WWP2: variants seen among roughly 807,000 people sequenced by gnomAD.
The protein encoded by WWP2 is NEDD4-like E3 ubiquitin-protein ligase WWP2.
In WWP2, 57 loss-of-function variants were observed where a neutral mutation model predicts 121.0. The ratio of observed to expected loss-of-function variants is 0.47; its 90% confidence interval spans 0.38 to 0.59. The LOEUF is 0.59. Ranked by LOEUF, WWP2 falls within the 20% of genes least tolerant of loss-of-function variation. The pLI, the probability that WWP2 is intolerant of heterozygous loss-of-function variation, is 0.00. For synonymous variants in WWP2, 449 were observed against 441.3 expected, an observed-to-expected ratio of 1.02 and a Z score of -0.22; for missense variants, 962 against 1,158.9, an observed-to-expected ratio of 0.83 and a Z score of 2.47.
chr16:69,862,784 A>C lies in WWP2; in HGVS notation c.576-9020A>C, dbSNP rs535946511. On this transcript the variant is annotated intron_variant, in intron 6 of 23. Transcript: ENST00000359154. The stretch of plus-strand genomic sequence containing the variant: ...GCCCAGGATAGAGTGTAGTGGTGTG[A>C]GTGTGATCACAGCTCACTGCGGCCT... 8.9e-4 allele frequency among the ~76,000 whole-genome samples: 109 copies of C among 123,060 alleles called. 1 individual carries two copies. Among genetic ancestry groups the C allele is most frequent in the African/African-American group, 3.2e-3 (100 of 31,500 alleles). 80.7% of individuals were successfully genotyped at this position (123,060 alleles called of 152,430 possible).
chr16:69,877,159 T>C (rs762226818), intron 7 of WWP2, among the ~76,000 whole-genome samples: 10 of 152,314 alleles, frequency 6.6e-5, no homozygotes, highest in Admixed American at 2.0e-4. Flanking sequence ...TTCGTCAACA[T>C]TGAAAAGCTG....
rs142497958 is a variant in WWP2 at position 69,795,890 on chromosome 16, T to A, written c.71-2792T>A. On this transcript the variant is annotated intron_variant, in intron 2 of 23. Transcript: ENST00000359154. ...CTCAAACTCCTGGCCTCAAGTGATC[T>A]GCCTGCCTCGGCCTCCCAAAGAGCT... 4.5e-3 allele frequency among the ~76,000 whole-genome samples: 677 copies of A among 151,952 alleles called. 1 individual carries two copies. Among genetic ancestry groups the A allele is most frequent in the South Asian group, 0.011 (55 of 4,800 alleles).
At chr16:69,873,664 A>C (rs554751039) in intron 7 of WWP2, among the ~76,000 whole-genome samples, 1 of 152,338 alleles carries the variant, frequency 6.6e-6, no homozygotes, top group African/African-American at 2.4e-5. Flanking sequence ...TTTTTCTCTT[A>C]GAAAACTCAG....
Position 69,908,810 on chromosome 16 carries a change from A to G in WWP2, c.964A>G (p.Asn322Asp), listed in dbSNP as rs761993448. 8 of 1,614,118 alleles carry G rather than the reference A, an allele frequency of 5.0e-6. No homozygotes were observed. Among genetic ancestry groups the G allele is most frequent in the Non-Finnish European group, 6.8e-6 (8 of 1,180,046 alleles). The change falls in exon 9 of 24, where the codon AAT (asparagine) becomes GAT (aspartate). Residue 322 changes from asparagine to aspartate, a missense_variant. Asn to Asp is a conservative substitution (Grantham distance 23, BLOSUM62 1). This residue lies in a region of WWP2 where 606 missense variants were observed against 772.6 expected (regional missense o/e 0.78). Coordinates refer to ENST00000359154, the MANE Select transcript of WWP2 (RefSeq NM_001270454.2). ...PNGRVYYVDH[N>D]TKTTTWERPL... ...CGGACGTGTCTATTATGTTGACCAC[A>G]ATACCAAGACCACCACCTGGGAGCG...
chr16:69,793,722 C>T (rs781679346), intron 2 of WWP2, among the ~76,000 whole-genome samples: 1 of 151,994 alleles, frequency 6.6e-6, no homozygotes, highest in Non-Finnish European at 1.5e-5. Flanking sequence ...GCGATGTTAT[C>T]TATGGGAGCA....
At chr16:69,846,876 G>A (rs1051064995) in intron 6 of WWP2, among the ~76,000 whole-genome samples, 2 of 152,064 alleles carry the variant, frequency 1.3e-5, no homozygotes, top group African/African-American at 2.4e-5. Flanking sequence ...TGGCTCCCAA[G>A]TGTTCATTAT....
At chr16:69,929,354 T>G (rs1016369068) in intron 11 of WWP2, 94 bp from the exon 12 acceptor site, 1 of 1,182,760 alleles carries the variant, frequency 8.5e-7, no homozygotes, top group Non-Finnish European at 1.2e-6. Flanking sequence ...GGAGATAAAC[T>G]CAGACCCAGC....
intron 1 of WWP2, among the ~76,000 whole-genome samples, chr16:69,778,759 A>G: frequency 6.6e-6 from 1 of 151,038 alleles, no homozygotes. Flanking sequence ...CTCCTGCCTC[A>G]GCCTCCCGAG....
At chr16:69,815,938 T>G (rs1362083294) in intron 4 of WWP2, among the ~76,000 whole-genome samples, 1 of 152,168 alleles carries the variant, frequency 6.6e-6, no homozygotes, top group South Asian at 2.1e-4. Context: ...TTAAATTTCT[T>G]GTAGAGTCAG....
intron 16 of WWP2, among the ~76,000 whole-genome samples, chr16:69,933,367 G>A (rs2058747053): frequency 6.6e-6 from 1 of 152,180 alleles, no homozygotes; most frequent in South Asian, 2.1e-4. Context: ...GAACGGGGAT[G>A]GTGTTGGGGT....
intron 4 of WWP2, among the ~76,000 whole-genome samples, chr16:69,828,386 G>T (rs1442214813): frequency 6.6e-6 from 1 of 151,840 alleles, no homozygotes; most frequent in Non-Finnish European, 1.5e-5. Flanking sequence ...TTTTCTTTGA[G>T]ACATAGTTTC....
intron 7 of WWP2, among the ~76,000 whole-genome samples, chr16:69,876,111 C>T (rs1441465855): frequency 2.0e-5 from 3 of 152,028 alleles, no homozygotes; most frequent in Non-Finnish European, 4.4e-5. Context: ...GCATGCACCA[C>T]CACACCCAGC....
intron 6 of WWP2, among the ~76,000 whole-genome samples, chr16:69,849,378 G>C (rs1047796050): frequency 6.6e-6 from 1 of 152,186 alleles, no homozygotes; most frequent in Non-Finnish European, 1.5e-5. Context: ...TGCCCTGTCA[G>C]CAGGAAAGTC....
intron 10 of WWP2, chr16:69,924,888 A>G: frequency 1.0e-6 from 1 of 981,044 alleles, no homozygotes; most frequent in Non-Finnish European, 1.2e-6. Flanking sequence ...GTTGGGGGGG[A>G]CGCCGAGGTG....
At chr16:69,897,145 C>T (rs1337452587) in intron 8 of WWP2, among the ~76,000 whole-genome samples, 1 of 151,964 alleles carries the variant, frequency 6.6e-6, no homozygotes, top group African/African-American at 2.4e-5. Flanking sequence ...CTGTGTCACC[C>T]AGGCTGGAGT....
At chr16:69,819,802 G>A (rs904795728) in intron 4 of WWP2, among the ~76,000 whole-genome samples, 10 of 152,172 alleles carry the variant, frequency 6.6e-5, no homozygotes, top group African/African-American at 2.2e-4. Flanking sequence ...GAGTCATGCA[G>A]TCATTGCCAT....
At chr16:69,881,795 G>A (rs1050204861) in intron 7 of WWP2, among the ~76,000 whole-genome samples, 16 of 152,140 alleles carry the variant, frequency 1.1e-4, no homozygotes, top group African/African-American at 3.6e-4. Flanking sequence ...GGGCTCAAGC[G>A]ATTCTCCTGC....
intron 4 of WWP2, among the ~76,000 whole-genome samples, chr16:69,829,971 T>TC (rs1354744340): frequency 4.0e-5 from 6 of 151,364 alleles, no homozygotes; most frequent in Non-Finnish European, 4.4e-5. Context: ...TTTTTTTTTT[T>TC]TCAGATAGAG....
At chr16:69,795,252 A>T (rs960715228) in intron 2 of WWP2, among the ~76,000 whole-genome samples, 10 of 114,368 alleles carry the variant, frequency 8.7e-5, no homozygotes, top group African/African-American at 2.8e-4. Flanking sequence ...AGGAAAAAAA[A>T]TGCGGATACA....
Sources: gnomAD v4.1 joint callset for allele counts (sites outside exome capture counted in the v4.1 genomes callset) on GRCh38, gnomAD v4.1.1 for gene constraint, gnomAD v4.1.1 regional missense constraint, MANE v1.5 for transcripts, NCBI Gene and HGNC (gene_info 2026-07-23, HGNC 2026-07-21) for gene names.